Variants in OPCML observed in about 807,000 individuals in gnomAD.
OPCML encodes the protein opioid-binding protein/cell adhesion molecule.
Under a neutral mutation model 37.8 loss-of-function variants are expected in OPCML, and 13 were observed. The observed-to-expected ratio is 0.34, with a 90% CI of 0.22 to 0.55. The LOEUF is 0.55. Ranked by LOEUF, OPCML falls within the 20% of genes least tolerant of loss-of-function variation. OPCML has a pLI of 0.91. For missense variants in OPCML, 341 were observed against 435.6 expected (o/e 0.78, Z 1.93); for synonymous variants, 176 against 168.8 (o/e 1.04, Z -0.33).
chr11:132,576,193 C>A (rs542470370), intron 3 of OPCML, among the ~76,000 whole-genome samples: 30 of 152,076 alleles, frequency 2.0e-4, no homozygotes, highest in African/African-American at 7.2e-4. Context: ...ATGTCCATTT[C>A]CTTCTCCAGG....
rs1950336336 is a variant in OPCML at position 133,174,403 on chromosome 11, C to A, written c.62-231393G>T. Reference sequence around the variant, plus strand: ...TGTGCCTGGTAGTGAAATAAGGCAGCTAAACCTTACCTCTGGATATAGGAG... The same window carrying A: ...TGTGCCTGGTAGTGAAATAAGGCAGATAAACCTTACCTCTGGATATAGGAG... On this transcript the variant is annotated intron_variant, in intron 1 of 7. Transcript: ENST00000524381. This position sits in a 1 kb window ranked among gnomAD's most constrained non-coding sequence, Gnocchi z 4.6. Among the ~76,000 whole-genome samples, 1 of 152,100 alleles carries A rather than the reference C, an allele frequency of 6.6e-6. No individual in the cohort carries two copies. Among genetic ancestry groups the A allele is most frequent in the African/African-American group, 2.4e-5 (1 of 41,426 alleles).
chr11:132,554,873 T>TGTTTG (rs1555152112), intron 3 of OPCML, among the ~76,000 whole-genome samples: 1 of 131,348 alleles, frequency 7.6e-6, no homozygotes, highest in African/African-American at 2.9e-5. Flanking sequence ...GTTTTTTTTT[T>TGTTTG]TTTTTTTTTT....
rs1158764805 is a variant in OPCML, at chr11:132,529,246, T to C, written c.380-60A>G. 20 of 1,527,546 alleles carry C rather than the reference T, an allele frequency of 1.3e-5. No homozygotes were observed. In the East Asian group the frequency reaches 2.6e-4, roughly 20 times the overall value. The allele number at this position is 1,527,546 out of a possible 1,614,324, so 94.6% of individuals were successfully genotyped here. A position where few individuals can be genotyped will look rare whatever the true frequency, so the allele number is the denominator to read the frequency against. On this transcript the variant is annotated intron_variant, in intron 3 of 7. Transcript: ENST00000524381. ...ATAATTCTTTGCACTTAAAAGGAGG[T>C]GTTAGCCTACAAATTTTTGTATAGC...
intron 4 of OPCML, among the ~76,000 whole-genome samples, chr11:132,489,702 T>C (rs1193408656): frequency 6.6e-6 from 1 of 152,148 alleles, no homozygotes; most frequent in Non-Finnish European, 1.5e-5. Flanking sequence ...CTTTAAGTTC[T>C]GGGGTACATG....
chr11:132,546,540 T>C (rs899476701), intron 3 of OPCML, among the ~76,000 whole-genome samples: 1 of 152,188 alleles, frequency 6.6e-6, no homozygotes, highest in African/African-American at 2.4e-5. Flanking sequence ...TCCAACATCC[T>C]TTTTAGTAAA....
At chr11:133,517,174 C>T (rs995308217) in intron 1 of OPCML, among the ~76,000 whole-genome samples, 6 of 152,122 alleles carry the variant, frequency 3.9e-5, no homozygotes, top group African/African-American at 1.4e-4. Context: ...GAGTGATACA[C>T]GGATGTGAAA....
chr11:133,492,770 G>A (rs529858707), intron 1 of OPCML, among the ~76,000 whole-genome samples: 7 of 151,736 alleles, frequency 4.6e-5, no homozygotes, highest in South Asian at 2.1e-4. Context: ...AAATATTAAC[G>A]GGAAATTTAT....
intron 1 of OPCML, among the ~76,000 whole-genome samples, chr11:133,467,813 C>T (rs1245894440): frequency 6.6e-6 from 1 of 152,178 alleles, no homozygotes; most frequent in Non-Finnish European, 1.5e-5. Context: ...AATTCCCTCA[C>T]ACTCCAAATT....
intron 1 of OPCML, among the ~76,000 whole-genome samples, chr11:133,202,878 C>T (rs191537182): frequency 6.7e-4 from 102 of 152,330 alleles, no homozygotes; most frequent in African/African-American, 2.3e-3. Context: ...GCCTCCCTCC[C>T]GGACATGCAG....
intron 1 of OPCML, among the ~76,000 whole-genome samples, chr11:133,483,276 G>A (rs1947417520): frequency 1.3e-5 from 2 of 150,608 alleles, no homozygotes; most frequent in South Asian, 4.2e-4. Context: ...CCATAGCATT[G>A]TAGTTGGAAA....
chr11:133,481,150 G>A (rs1398528439), intron 1 of OPCML, among the ~76,000 whole-genome samples: 1 of 152,160 alleles, frequency 6.6e-6, no homozygotes, highest in Non-Finnish European at 1.5e-5. Context: ...ACACAAATTT[G>A]GGACCAGGAT....
intron 1 of OPCML, among the ~76,000 whole-genome samples, chr11:133,524,899 G>T (rs2120726135): frequency 6.6e-6 from 1 of 152,348 alleles, no homozygotes; most frequent in Middle Eastern, 3.4e-3. Context: ...CAGTGGGATG[G>T]AACAGAATGA....
intron 1 of OPCML, among the ~76,000 whole-genome samples, chr11:133,317,839 G>T (rs1255536110): frequency 2.0e-5 from 3 of 152,218 alleles, no homozygotes; most frequent in African/African-American, 7.2e-5. Context: ...ACCAGTGGTA[G>T]CGTGTTAGCC....
intron 4 of OPCML, 65 bp from the exon 5 acceptor site, chr11:132,437,424 CACATCT>C: frequency 6.3e-7 from 1 of 1,584,700 alleles, no homozygotes; most frequent in Non-Finnish European, 8.6e-7. Flanking sequence ...GAACCATATT[CACATCT>C]AGAGATTGTA....
chr11:132,675,139 C>T (rs1466191022), intron 2 of OPCML, among the ~76,000 whole-genome samples: 1 of 148,668 alleles, frequency 6.7e-6, no homozygotes, highest in African/African-American at 2.5e-5. Context: ...AGAAGTATGA[C>T]AGCCCATATA....
chr11:132,775,070 A>T (rs559128954), intron 2 of OPCML, among the ~76,000 whole-genome samples: 95 of 152,318 alleles, frequency 6.2e-4, no homozygotes, highest in African/African-American at 2.2e-3. Flanking sequence ...CTTCTAACTC[A>T]TGGATGATCT....
chr11:133,220,091 G>C (rs1939753526), intron 1 of OPCML, among the ~76,000 whole-genome samples: 1 of 152,128 alleles, frequency 6.6e-6, no homozygotes, highest in South Asian at 2.1e-4. Flanking sequence ...AGACTGTTGA[G>C]GAAGCTTCAA....
At chr11:132,795,275 T>G (rs1386526436) in intron 2 of OPCML, among the ~76,000 whole-genome samples, 2 of 152,244 alleles carry the variant, frequency 1.3e-5, no homozygotes, top group Non-Finnish European at 2.9e-5. Flanking sequence ...TTTGTATACT[T>G]GTACTGGAGA....
intron 1 of OPCML, chr11:133,008,863 A>G (rs1181364648): frequency 1.0e-6 from 1 of 984,748 alleles, no homozygotes; most frequent in Non-Finnish European, 1.2e-6. Flanking sequence ...GTCAATTTTC[A>G]TGGAGCCCAA....
Sources: allele counts gnomAD v4.1 joint callset (sites outside exome capture counted in the v4.1 genomes callset), GRCh38; gene constraint gnomAD v4.1.1; non-coding constraint Gnocchi (gnomAD v3.1); transcripts MANE v1.5; gene names NCBI Gene and HGNC (gene_info 2026-07-23, HGNC 2026-07-21).